FAM135A: variants seen among roughly 807,000 people sequenced by gnomAD.
The protein encoded by FAM135A is protein FAM135A.
FAM135A carries 79 observed loss-of-function variants against 146.8 expected under a neutral mutation model. The ratio of observed to expected loss-of-function variants is 0.54; its 90% confidence interval spans 0.45 to 0.65. The LOEUF (loss-of-function observed/expected upper bound fraction) is 0.65, where lower values mean the gene tolerates loss of function less well. Among genes scored for constraint, FAM135A ranks in the 30% least tolerant of loss-of-function variants. FAM135A has a pLI of 0.00. For synonymous variants in FAM135A, 562 were observed against 603.6 expected (o/e 0.93, Z 1.01); for missense variants, 1,623 against 1,758.2 (o/e 0.92, Z 1.38).
intron 4 of FAM135A, among the ~76,000 whole-genome samples, chr6:70,444,893 T>C (rs1049295863): frequency 2.6e-5 from 4 of 152,214 alleles, no homozygotes; most frequent in Non-Finnish European, 4.4e-5. Context: ...TTCTACAGAA[T>C]CAGTGATCAC....
intron 12 of FAM135A, 143 bp downstream of exon 12, chr6:70,502,934 C>A: frequency 1.2e-6 from 1 of 812,666 alleles, no homozygotes; most frequent in Non-Finnish European, 1.8e-6. Flanking sequence ...TGTTTGACTT[C>A]CAAAATTAAT....
At chr6:70,468,270 T>C (rs9455124) in intron 5 of FAM135A, among the ~76,000 whole-genome samples, 3,241 of 152,282 alleles carry the variant, frequency 0.021, 108 homozygotes, top group African/African-American at 0.074. Context: ...TTTAAGGATA[T>C]GTGTGCAATG....
intron 2 of FAM135A, among the ~76,000 whole-genome samples, chr6:70,424,689 C>T (rs1000303517): frequency 1.3e-5 from 2 of 152,188 alleles, no homozygotes; most frequent in African/African-American, 4.8e-5. Flanking sequence ...TTATTTCTTT[C>T]CATCTTTGCT....
rs1380136463 is a variant in FAM135A, at chr6:70,560,608, T to G, written c.*687T>G. 6.6e-6 allele frequency: 1 copy of G among 152,600 alleles called. No homozygotes were observed. The highest frequency in any genetic ancestry group is 1.9e-4 in the East Asian group (1 of 5,208). 9.5% of individuals were successfully genotyped at this position (152,600 alleles called of 1,614,324 possible). The stretch of plus-strand genomic sequence containing the variant: ...TTACTGGAAATGTTCCTGTACATGT[T>G]GGCAGCAGATAAAGATTTTTGAATG... On this transcript the variant is annotated 3_prime_UTR_variant, in exon 22 of 22. Coordinates refer to ENST00000418814, the MANE Select transcript of FAM135A (RefSeq NM_001162529.3).
At chr6:70,530,338 A>G (rs1795563765) in intron 16 of FAM135A, among the ~76,000 whole-genome samples, 1 of 152,172 alleles carries the variant, frequency 6.6e-6, no homozygotes, top group Non-Finnish European at 1.5e-5. Context: ...TTAAGCATAT[A>G]TATTTCGAGC....
chr6:70,522,671 T>C, intron 13 of FAM135A, 85 bp downstream of exon 13: 2 of 1,046,246 alleles, frequency 1.9e-6, no homozygotes, highest in South Asian at 1.4e-5. Flanking sequence ...TGACAGAATA[T>C]ACAGTATTAA....
At chr6:70,486,427 A>G (rs1784665719) in intron 10 of FAM135A, among the ~76,000 whole-genome samples, 1 of 152,220 alleles carries the variant, frequency 6.6e-6, no homozygotes, top group Non-Finnish European at 1.5e-5. Flanking sequence ...TTTCCTAATT[A>G]ATTTGTAATA....
intron 12 of FAM135A, among the ~76,000 whole-genome samples, chr6:70,521,038 TTG>T (rs986149717): frequency 9.9e-5 from 15 of 152,236 alleles, no homozygotes; most frequent in Non-Finnish European, 2.9e-5. Flanking sequence ...ATTAACCTCT[TTG>T]TGTCTTTGTT....
At chr6:70,481,949 G>T in intron 9 of FAM135A, 52 bp from the exon 10 acceptor site, 1 of 1,500,556 alleles carries the variant, frequency 6.7e-7, no homozygotes, top group Non-Finnish European at 8.9e-7. Flanking sequence ...AGTTTCACAT[G>T]TAACATTTTG....
chr6:70,413,753 CCCCT>C, intron 1 of FAM135A, 51 bp downstream of exon 1: 1 of 963,054 alleles, frequency 1.0e-6, no homozygotes, highest in Non-Finnish European at 1.2e-6. Context: ...ACACCCACGA[CCCCT>C]CCCTCCGTCC....
At chr6:70,558,776 G>T (rs1057131979) in intron 21 of FAM135A, among the ~76,000 whole-genome samples, 8 of 152,118 alleles carry the variant, frequency 5.3e-5, no homozygotes, top group African/African-American at 1.9e-4. Flanking sequence ...TTGTGATCAT[G>T]CCGCTGCATT....
chr6:70,482,195 A>T (rs372130285), intron 10 of FAM135A, 41 bp downstream of exon 10: 1 of 1,598,620 alleles, frequency 6.3e-7, no homozygotes, highest in Non-Finnish European at 8.5e-7. Flanking sequence ...AGTTCAAATC[A>T]TTCTCTTCAG....
rs142737871 is a variant in FAM135A, at chr6:70,476,922, G to GA, written c.369-231dup. On this transcript the variant is annotated intron_variant, in intron 7 of 21. Coordinates refer to ENST00000418814, the MANE Select transcript of FAM135A (RefSeq NM_001162529.3). ...GGATTCATTTTATAGGGATATTAGT[G>GA]AAAAAATAGTTCATATCATGGACTG... is the stretch of plus-strand genomic sequence containing the variant. 8.1e-4 allele frequency among the ~76,000 whole-genome samples: 124 copies of GA among 152,160 alleles called. 2 individuals are homozygous for GA. In the East Asian group the frequency reaches 0.022, roughly 27 times the overall value.
At chr6:70,507,429 G>T (rs1790035142) in intron 12 of FAM135A, among the ~76,000 whole-genome samples, 1 of 152,088 alleles carries the variant, frequency 6.6e-6, no homozygotes, top group East Asian at 1.9e-4. Context: ...AAGTATATAG[G>T]CTGTCTGATA....
At chr6:70,531,672 G>A (rs1295545797) in intron 16 of FAM135A, among the ~76,000 whole-genome samples, 1 of 152,136 alleles carries the variant, frequency 6.6e-6, no homozygotes, top group Admixed American at 6.5e-5. Context: ...GTTTACTGCT[G>A]TATGCTTCAT....
At chr6:70,497,031 A>G (rs1040733118) in intron 11 of FAM135A, among the ~76,000 whole-genome samples, 3 of 152,140 alleles carry the variant, frequency 2.0e-5, no homozygotes, top group Non-Finnish European at 4.4e-5. Flanking sequence ...AGTTTTTTCT[A>G]ATTCTGTGAA....
intron 4 of FAM135A, among the ~76,000 whole-genome samples, chr6:70,435,415 A>G (rs1441865730): frequency 1.3e-5 from 2 of 151,948 alleles, no homozygotes; most frequent in Non-Finnish European, 2.9e-5. Flanking sequence ...TAGAAATTAC[A>G]TTCTTAAATT....
chr6:70,487,947 T>C (rs945337759), intron 10 of FAM135A, among the ~76,000 whole-genome samples: 1 of 152,180 alleles, frequency 6.6e-6, no homozygotes, highest in Non-Finnish European at 1.5e-5. Context: ...TGTTGAGATA[T>C]CTTTTATCCT....
At chr6:70,460,621 G>T (rs1678409578) in intron 5 of FAM135A, among the ~76,000 whole-genome samples, 1 of 152,152 alleles carries the variant, frequency 6.6e-6, no homozygotes, top group South Asian at 2.1e-4. Flanking sequence ...ATTAAGGCAG[G>T]TCTAGTTACT....
Sources: allele counts gnomAD v4.1 joint callset (sites outside exome capture counted in the v4.1 genomes callset), GRCh38; gene constraint gnomAD v4.1.1; transcripts MANE v1.5; gene names NCBI Gene and HGNC (gene_info 2026-07-23, HGNC 2026-07-21).